Variants in KCNG2 observed in about 807,000 individuals in gnomAD.
KCNG2 encodes potassium voltage-gated channel modifier subfamily G member 2.
A neutral mutation model predicts 12.3 loss-of-function variants in KCNG2; 7 were observed. The observed-to-expected ratio is 0.57, with a 90% CI of 0.32 to 1.07. The LOEUF is 1.07. Among genes scored for constraint, KCNG2 ranks in the 50% least tolerant of loss-of-function variants. The probability of loss-of-function intolerance (pLI) is 0.04; values close to 1 mark genes in which losing one functional copy is unlikely to be tolerated. For synonymous variants in KCNG2, 414 were observed against 351.4 expected (o/e 1.18, Z -1.99); for missense variants, 703 against 726.0 (o/e 0.97, Z 0.36).
chr18:79,845,030 C>T (rs1292738558), intron 1 of KCNG2, among the ~76,000 whole-genome samples: 2 of 152,162 alleles, frequency 1.3e-5, no homozygotes, highest in African/African-American at 4.8e-5. Context: ...AAATGTTCTC[C>T]CACTTGTGGT....
At chr18:79,824,079 T>C (rs2087593334) in intron 1 of KCNG2, among the ~76,000 whole-genome samples, 1 of 152,252 alleles carries the variant, frequency 6.6e-6, no homozygotes, top group Non-Finnish European at 1.5e-5. Context: ...CTTGGCTCAC[T>C]GCAGCCTCCG....
chr18:79,898,740 T>A (rs1374699352), intron 3 of KCNG2, among the ~76,000 whole-genome samples: 1 of 152,266 alleles, frequency 6.6e-6, no homozygotes, highest in Admixed American at 6.5e-5. Context: ...TGCTGTTTGC[T>A]CTTAAGACCA....
rs143553527 is a variant in KCNG2 at position 79,803,644 on chromosome 18, A to C, written c.-115+5630A>C. The stretch of plus-strand genomic sequence containing the variant: ...CGTGATTCTCACCACTTGTGGTCCA[A>C]GGCTTCTGCTGGGCTGACGGAGGAG... On this transcript the variant is annotated intron_variant, in intron 1 of 3. Transcript: ENST00000316249. The surrounding 1 kb of genome is among the most constrained non-coding windows in gnomAD (Gnocchi z 4.5). Among the ~76,000 whole-genome samples, 1 of 152,250 alleles carries C rather than the reference A, an allele frequency of 6.6e-6. No individual in the cohort carries two copies. Among genetic ancestry groups the C allele is most frequent in the African/African-American group, 2.4e-5 (1 of 41,558 alleles).
intron 3 of KCNG2, among the ~76,000 whole-genome samples, chr18:79,874,756 G>A (rs560648842): frequency 1.3e-5 from 2 of 152,312 alleles, no homozygotes; most frequent in East Asian, 1.9e-4. Context: ...CCAGGAGGCC[G>A]GCCCAGGTGC....
intron 3 of KCNG2, among the ~76,000 whole-genome samples, chr18:79,892,442 C>T (rs1368159608): frequency 6.6e-6 from 1 of 152,162 alleles, no homozygotes; most frequent in East Asian, 1.9e-4. Context: ...TAAAGTGTGT[C>T]TCCTGTAGAC....
chr18:79,863,925 C>T lies in KCNG2; in HGVS notation c.258C>T (p.Arg86=). 1 of 1,376,130 alleles carries T rather than the reference C, an allele frequency of 7.3e-7. No homozygotes were observed. Among genetic ancestry groups the T allele is most frequent in the African/African-American group, 1.5e-5 (1 of 65,306 alleles). The allele number at this position is 1,376,130 out of a possible 1,614,324, so 85.2% of individuals were successfully genotyped here. The change falls in exon 3 of 4, where the codon CGC becomes CGT. Residue 86 remains arginine (R), a synonymous_variant. Coordinates refer to ENST00000316249, the MANE Select transcript of KCNG2 (RefSeq NM_012283.2). ...CAFRAIVALL[R]AGKLRLLRGP... ...TCCGCGCCATCGTGGCGCTTTTGCG[C>T]GCAGGGAAGCTGCGACTGCTGCGGG...
intron 1 of KCNG2, among the ~76,000 whole-genome samples, chr18:79,807,807 T>G (rs61020511): frequency 4.8e-5 from 5 of 105,256 alleles, no homozygotes; most frequent in African/African-American, 1.5e-4. Flanking sequence ...CTCCACGTTA[T>G]GGGCCCAGAG....
intron 1 of KCNG2, among the ~76,000 whole-genome samples, chr18:79,802,212 AG>A (rs1386505374): frequency 1.3e-5 from 2 of 152,268 alleles, no homozygotes; most frequent in Non-Finnish European, 2.9e-5. Context: ...GCCCAAATAC[AG>A]ACAGCTAAAG....
intron 1 of KCNG2, among the ~76,000 whole-genome samples, chr18:79,851,789 GCAT>G (rs1978833274): frequency 6.6e-6 from 1 of 151,880 alleles, no homozygotes; most frequent in Non-Finnish European, 1.5e-5. Context: ...GTGTGAATGT[GCAT>G]TGTGTGAATG....
chr18:79,890,255 A>G (rs572797841), intron 3 of KCNG2, among the ~76,000 whole-genome samples: 1 of 152,256 alleles, frequency 6.6e-6, no homozygotes, highest in Non-Finnish European at 1.5e-5. Flanking sequence ...CTGTATTTTC[A>G]TAATAGTTTG....
intron 3 of KCNG2, among the ~76,000 whole-genome samples, chr18:79,895,937 G>A (rs1568275124): frequency 6.6e-6 from 1 of 152,170 alleles, no homozygotes; most frequent in African/African-American, 2.4e-5. Context: ...ATTTTCTAAT[G>A]GAGCATTTTA....
intron 1 of KCNG2, among the ~76,000 whole-genome samples, 100 bp from the exon 2 acceptor site, chr18:79,856,279 C>T (rs544005953): frequency 8.5e-5 from 13 of 152,176 alleles, no homozygotes; most frequent in South Asian, 2.1e-4. Flanking sequence ...TGTGTGCTCG[C>T]GGGGACTGGA....
chr18:79,824,065 C>T (rs1218414563), intron 1 of KCNG2, among the ~76,000 whole-genome samples: 2 of 152,206 alleles, frequency 1.3e-5, no homozygotes, highest in African/African-American at 2.4e-5. Flanking sequence ...TGCAGTGGCA[C>T]GATCTTGGCT....
In KCNG2 at chr18:79,899,522, C is replaced by A. The variant is rs3744887; in HGVS notation, c.1107C>A (p.Thr369=). ...GGTGGGCCGTCATCTCCATGACCAC[C>A]GTGGGCTACGGCGACATGGTCCCGC... ...SYWWAVISMT[T]VGYGDMVPRS... The change falls in exon 4 of 4, where the codon ACC becomes ACA. Residue 369 remains threonine (T), a synonymous_variant. Transcript: ENST00000316249. 3.1e-6 allele frequency: 5 copies of A among 1,606,990 alleles called. No homozygotes were observed. Among genetic ancestry groups the A allele is most frequent in the Non-Finnish European group, 4.2e-6 (5 of 1,177,524 alleles).
intron 1 of KCNG2, among the ~76,000 whole-genome samples, chr18:79,814,947 TTAG>T (rs1421088342): frequency 2.0e-5 from 3 of 151,970 alleles, no homozygotes. Context: ...CATTTATGTT[TTAG>T]TAGTGTAATT....
intron 1 of KCNG2, among the ~76,000 whole-genome samples, chr18:79,848,128 G>A (rs117537578): frequency 0.014 from 2,132 of 152,266 alleles, 30 homozygotes; most frequent in Middle Eastern, 0.048. Context: ...AAACCCTAGC[G>A]TGGGCTCAGC....
At chr18:79,850,881 A>G (rs1978791844) in intron 1 of KCNG2, among the ~76,000 whole-genome samples, 1 of 152,232 alleles carries the variant, frequency 6.6e-6, no homozygotes, top group South Asian at 2.1e-4. Context: ...CAGGCGCCGG[A>G]CCAGGTGGTT....
rs1038816477 is a variant in KCNG2 at position 79,824,616 on chromosome 18, T to C, written c.-115+26602T>C. ...GGAAATGCCTCTAGTGTTTCTCCAT[T>C]AAGAGAGCGGCTTTAGAACTTAACA... On this transcript the variant is annotated intron_variant, in intron 1 of 3. Coordinates refer to ENST00000316249, the MANE Select transcript of KCNG2 (RefSeq NM_012283.2). 2.0e-5 allele frequency among the ~76,000 whole-genome samples: 3 copies of C among 152,210 alleles called. No individual in the cohort carries two copies. The East Asian group carries it at 5.8e-4, about 29-fold the overall frequency.
chr18:79,874,361 C>A (rs3809929), intron 3 of KCNG2, among the ~76,000 whole-genome samples: 1 of 152,052 alleles, frequency 6.6e-6, no homozygotes. Context: ...GGAGCAGCAC[C>A]GTCACAGCGG....
Sources: allele counts gnomAD v4.1 joint callset (sites outside exome capture counted in the v4.1 genomes callset), GRCh38; gene constraint gnomAD v4.1.1; non-coding constraint Gnocchi (gnomAD v3.1); transcripts MANE v1.5; gene names NCBI Gene and HGNC (gene_info 2026-07-23, HGNC 2026-07-21).